The following SLC6A6 variants were observed in gnomAD, a reference collection of about 807,000 sequenced individuals.
SLC6A6 encodes solute carrier family 6 member 6.
SLC6A6 carries 16 observed loss-of-function variants against 68.8 expected under a neutral mutation model. The observed-to-expected ratio is 0.23, with a 90% CI of 0.16 to 0.35. The LOEUF (loss-of-function observed/expected upper bound fraction) is 0.35, where lower values mean the gene tolerates loss of function less well. Ranked by LOEUF, SLC6A6 falls within the 10% of genes least tolerant of loss-of-function variation. The probability of loss-of-function intolerance (pLI) is 1.00; values close to 1 mark genes in which losing one functional copy is unlikely to be tolerated. For synonymous variants in SLC6A6, 312 were observed against 315.4 expected (o/e 0.99, Z 0.12); for missense variants, 474 against 802.8 (o/e 0.59, Z 4.95).
chr3:14,457,864 C>T (rs1255092734), intron 5 of SLC6A6, 86 bp from the exon 6 acceptor site: 83 of 1,369,046 alleles, frequency 6.1e-5, no homozygotes, highest in Non-Finnish European at 8.3e-5. Flanking sequence ...GGGATTTGAC[C>T]CCCAGCCTGT....
In SLC6A6 at chr3:14,450,192, G is replaced by A. The variant is rs60620851; in HGVS notation, c.599+2376G>A. The stretch of plus-strand genomic sequence containing the variant: ...TCTGGGCTCTGCTTGTCTCGCTGTT[G>A]TCTAGGACCCAGGGGTCTTAGAGAG... On this transcript the variant is annotated intron_variant, in intron 5 of 14. Transcript: ENST00000622186. This position sits in a 1 kb window ranked among gnomAD's most constrained non-coding sequence, Gnocchi z 4.1. Among the ~76,000 whole-genome samples the A allele has an allele frequency of 7.3e-3, 1,114 of 152,146 alleles. 15 individuals carry two copies. The highest frequency in any genetic ancestry group is 0.025 in the African/African-American group (1,057 of 41,518).
intron 14 of SLC6A6, among the ~76,000 whole-genome samples, chr3:14,483,574 G>A (rs1559317114): frequency 6.6e-6 from 1 of 152,224 alleles, no homozygotes; most frequent in East Asian, 1.9e-4. Context: ...GGTGGCTCAG[G>A]TGAGGGAAGT....
chr3:14,434,293 C>G (rs1170048723), intron 2 of SLC6A6, among the ~76,000 whole-genome samples: 1 of 152,208 alleles, frequency 6.6e-6, no homozygotes, highest in Non-Finnish European at 1.5e-5. Context: ...CTGGAAAGGG[C>G]TTGGCACAGG....
At chr3:14,452,598 C>T (rs551835542) in intron 5 of SLC6A6, among the ~76,000 whole-genome samples, 3 of 152,266 alleles carry the variant, frequency 2.0e-5, no homozygotes, top group Non-Finnish European at 4.4e-5. Flanking sequence ...TGTGTCTCCC[C>T]GCTCCCAGGT....
intron 5 of SLC6A6, among the ~76,000 whole-genome samples, chr3:14,456,199 G>A (rs1455327374): frequency 6.6e-6 from 1 of 152,216 alleles, no homozygotes; most frequent in African/African-American, 2.4e-5. Flanking sequence ...GAAAGCAGGT[G>A]GTTGCTGGTA....
At chr3:14,430,765 G>A (rs1409591090) in intron 2 of SLC6A6, among the ~76,000 whole-genome samples, 1 of 152,234 alleles carries the variant, frequency 6.6e-6, no homozygotes, top group Non-Finnish European at 1.5e-5. Context: ...TGGGGTTGTC[G>A]GGAATGTCCC....
At chr3:14,427,439 G>A (rs73815275) in intron 2 of SLC6A6, among the ~76,000 whole-genome samples, 2,658 of 152,328 alleles carry the variant, frequency 0.017, 70 homozygotes, top group African/African-American at 0.058. Flanking sequence ...AGCCCCATCA[G>A]CCTGGCTTCA....
intron 2 of SLC6A6, among the ~76,000 whole-genome samples, chr3:14,437,590 G>T (rs978463162): frequency 6.6e-6 from 1 of 152,032 alleles, no homozygotes; most frequent in Non-Finnish European, 1.5e-5. Context: ...GTATCACCTC[G>T]CTTCCTAAGC....
chr3:14,463,385 G>C (rs1462870217), intron 6 of SLC6A6, among the ~76,000 whole-genome samples: 1 of 152,254 alleles, frequency 6.6e-6, no homozygotes, highest in African/African-American at 2.4e-5. Context: ...ATAAGTGCTT[G>C]TTAAATAAAC....
At chr3:14,429,570 A>G in intron 2 of SLC6A6, among the ~76,000 whole-genome samples, 1 of 152,164 alleles carries the variant, frequency 6.6e-6, no homozygotes, top group Non-Finnish European at 1.5e-5. Context: ...ATTTTGTTTG[A>G]TGTTTTGCCC....
chr3:14,416,559 C>G, intron 2 of SLC6A6, 106 bp downstream of exon 2: 1 of 397,398 alleles, frequency 2.5e-6, no homozygotes, highest in Non-Finnish European at 4.4e-6. Context: ...TCTAGGAGGA[C>G]AAGACGGGAC....
At chr3:14,425,987 C>A (rs1699588292) in intron 2 of SLC6A6, among the ~76,000 whole-genome samples, 1 of 152,216 alleles carries the variant, frequency 6.6e-6, no homozygotes, top group African/African-American at 2.4e-5. Context: ...GAGCACTGGG[C>A]CTCGCGCAGC....
intron 1 of SLC6A6, among the ~76,000 whole-genome samples, chr3:14,406,515 G>C (rs1300437723): frequency 6.6e-6 from 1 of 152,182 alleles, no homozygotes; most frequent in Admixed American, 6.5e-5. Context: ...GTCTTGCCCT[G>C]AACTCTTTCT....
rs1245595018 is a variant in SLC6A6 at position 14,485,014 on chromosome 3, T to G, written c.*7T>G. On this transcript the variant is annotated 3_prime_UTR_variant, in exon 15 of 15. Transcript: ENST00000622186. Reference sequence around the variant, plus strand: ...TGTGGAGACCATGATGTGAGCTCTCTCGGGTCGACGGGGCCGGCGGCTTTC... The same window carrying G: ...TGTGGAGACCATGATGTGAGCTCTCGCGGGTCGACGGGGCCGGCGGCTTTC... The G allele has an allele frequency of 1.2e-6, 2 of 1,600,390 alleles. No homozygotes were observed. The highest frequency in any genetic ancestry group is 1.7e-6 in the Non-Finnish European group (2 of 1,169,654).
intron 2 of SLC6A6, among the ~76,000 whole-genome samples, chr3:14,424,574 G>T (rs759922034): frequency 6.6e-6 from 1 of 152,094 alleles, no homozygotes; most frequent in African/African-American, 2.4e-5. Context: ...GTGGGGTTGG[G>T]TCTGGCTCAG....
intron 5 of SLC6A6, chr3:14,448,068 A>T: frequency 8.3e-7 from 1 of 1,208,350 alleles, no homozygotes; most frequent in Admixed American, 3.2e-5. Flanking sequence ...CCTGTAAGAT[A>T]AAAAGAATGA....
chr3:14,410,777 A>G (rs896029513), intron 1 of SLC6A6, among the ~76,000 whole-genome samples: 2 of 152,224 alleles, frequency 1.3e-5, no homozygotes, highest in Non-Finnish European at 2.9e-5. Flanking sequence ...ATAAATGCCA[A>G]GTGACTCACT....
Position 14,466,642 on chromosome 3 carries a change from G to T in SLC6A6, c.859G>T (p.Asp287Tyr). Residue 287 changes from aspartate (D) to tyrosine (Y), a missense_variant, in exon 7 of 15, where the codon GAC (aspartate) becomes TAC (tyrosine). Physicochemically the swap from Asp to Tyr is radical, Grantham distance 160 (BLOSUM62 -3). Coordinates refer to ENST00000622186, the MANE Select transcript of SLC6A6 (RefSeq NM_003043.6). The part of the protein sequence containing the change: ...YLYPDITRLE[D>Y]PQVWIDAGTQ... ...GTATCCTGACATCACCCGCCTTGAG[G>T]ACCCACAGGTACTGTGGGGCTGGGA... 6.2e-7 allele frequency: 1 copy of T among 1,612,188 alleles called. No individual in the cohort carries two copies. The highest frequency in any genetic ancestry group is 8.5e-7 in the Non-Finnish European group (1 of 1,178,858).
chr3:14,422,362 C>A (rs189271260), intron 2 of SLC6A6, among the ~76,000 whole-genome samples: 1 of 152,056 alleles, frequency 6.6e-6, no homozygotes, highest in African/African-American at 2.4e-5. Context: ...ACCTCTGATT[C>A]GCCATGGAAA....
Sources: allele counts gnomAD v4.1 joint callset (sites outside exome capture counted in the v4.1 genomes callset), GRCh38; gene constraint gnomAD v4.1.1; non-coding constraint Gnocchi (gnomAD v3.1); transcripts MANE v1.5; gene names NCBI Gene and HGNC (gene_info 2026-07-23, HGNC 2026-07-21).